The following ANKRD17 variants were observed in gnomAD, a reference collection of about 807,000 sequenced individuals.
ANKRD17 encodes ankyrin repeat domain 17.
A neutral mutation model predicts 229.7 loss-of-function variants in ANKRD17; 19 were observed. The ratio of observed to expected loss-of-function variants is 0.08; its 90% confidence interval spans 0.06 to 0.12. The LOEUF is 0.12. ANKRD17 is among the 10% of genes least tolerant of loss of function. The pLI, the probability that ANKRD17 is intolerant of heterozygous loss-of-function variation, is 1.00. For synonymous variants in ANKRD17, 1,112 were observed against 1,146.1 expected, an observed-to-expected ratio of 0.97 and a Z score of 0.60; for missense variants, 2,176 against 3,176.8, an observed-to-expected ratio of 0.68 and a Z score of 7.57.
At chr4:73,245,662 T>A (rs890086699) in intron 1 of ANKRD17, among the ~76,000 whole-genome samples, 10 of 152,160 alleles carry the variant, frequency 6.6e-5, no homozygotes, top group Admixed American at 5.2e-4. Context: ...AACAATCATA[T>A]ATAAATCTAC....
At chr4:73,206,494 T>C (rs531781181) in intron 1 of ANKRD17, among the ~76,000 whole-genome samples, 5 of 149,426 alleles carry the variant, frequency 3.3e-5, no homozygotes, top group Admixed American at 6.6e-5. Context: ...GAGGGAAAGA[T>C]AGAAAGAAAT....
At chr4:73,095,036 T>C (rs2110185333) in intron 27 of ANKRD17, among the ~76,000 whole-genome samples, 1 of 151,748 alleles carries the variant, frequency 6.6e-6, no homozygotes, top group East Asian at 2.0e-4. Context: ...TAGCCAGGCA[T>C]GGTGGTGTGC....
chr4:73,097,200 A>G lies in ANKRD17; in HGVS notation c.5094T>C (p.Leu1698=). The G allele has an allele frequency of 1.2e-6, 2 of 1,612,866 alleles. No homozygotes were observed. Among genetic ancestry groups the G allele is most frequent in the South Asian group, 1.1e-5 (1 of 90,774 alleles). The part of the protein sequence containing the change: ...STCTKSGPSP[L]SSPNGKLTVA... ...CTGTTAACTTCCCATTTGGAGAAGAAAGGGGAGATGGACCAGATTTTGTAC... is the reference window on the plus strand; with the variant it reads ...CTGTTAACTTCCCATTTGGAGAAGAGAGGGGAGATGGACCAGATTTTGTAC... Residue 1698 remains leucine, a synonymous_variant, in exon 27 of 34, where the codon CTT becomes CTC. Transcript: ENST00000358602.
intron 25 of ANKRD17, among the ~76,000 whole-genome samples, chr4:73,099,310 A>C (rs1415768341): frequency 1.3e-5 from 2 of 151,440 alleles, no homozygotes; most frequent in Non-Finnish European, 2.9e-5. Context: ...CACACTACAC[A>C]GCACACCAGC....
rs1166266933 is a variant in ANKRD17 at position 73,085,296 on chromosome 4, T to C, written c.7112A>G (p.His2371Arg). ...AGTCAACAAACTAAGCGGGGAAAAA[T>C]GTTGTCTGTTAAAGTTAGCAGCTGC... The part of the protein sequence containing the change: ...APAAANFNRQ[H>R]FSPLSLLTPC... The change falls in exon 30 of 34, where the codon CAT becomes CGT. Residue 2371 changes from histidine (H) to arginine (R), a missense_variant. Coordinates refer to ENST00000358602, the MANE Select transcript of ANKRD17 (RefSeq NM_032217.5). The C allele has an allele frequency of 6.2e-7, 1 of 1,613,832 alleles. No individual in the cohort carries two copies. The highest frequency in any genetic ancestry group is 2.2e-5 in the East Asian group (1 of 44,852).
At chr4:73,081,682 G>T (rs1428311639) in intron 30 of ANKRD17, among the ~76,000 whole-genome samples, 1 of 152,032 alleles carries the variant, frequency 6.6e-6, no homozygotes, top group Non-Finnish European at 1.5e-5. Context: ...TTTTTTAGAA[G>T]AATGAAAAAT....
chr4:73,174,093 AGAAGGAAGGAAGGAAG>A lies in ANKRD17; in HGVS notation c.547+3271_547+3286del, dbSNP rs71217453. Among the ~76,000 whole-genome samples the A allele has an allele frequency of 4.6e-4, 51 of 111,306 alleles. 1 individual carries two copies. The highest frequency in any genetic ancestry group is 2.3e-3 in the South Asian group (6 of 2,654). The allele number at this position is 111,306 out of a possible 152,430, so 73.0% of individuals were successfully genotyped here. ...GAAGGAAGGCGAGGGAAGGGAGGGGAGAAGGAAGGAAGGAAGGAAGGAAGGAAGGAAGGAAGGAAGG... is the reference window on the plus strand; with the variant it reads ...GAAGGAAGGCGAGGGAAGGGAGGGGAGAAGGAAGGAAGGAAGGAAGGAAGG... On this transcript the variant is annotated intron_variant, in intron 2 of 33. Transcript: ENST00000358602.
intron 30 of ANKRD17, among the ~76,000 whole-genome samples, chr4:73,082,777 G>A (rs1721706624): frequency 6.6e-6 from 1 of 152,130 alleles, no homozygotes; most frequent in Non-Finnish European, 1.5e-5. Flanking sequence ...GATTATTTGA[G>A]ACTAAAGAGA....
rs1277668219 is a variant in ANKRD17, at chr4:73,097,434, CT to C, written c.5022-163del. 6.5e-3 allele frequency among the ~76,000 whole-genome samples: 858 copies of C among 131,902 alleles called. 3 individuals carry two copies. Among genetic ancestry groups the C allele is most frequent in the African/African-American group, 8.4e-3 (259 of 31,000 alleles). The allele number at this position is 131,902 out of a possible 152,430, so 86.5% of individuals were successfully genotyped here. A position where few individuals can be genotyped will look rare whatever the true frequency, so the allele number is the denominator to read the frequency against. On this transcript the variant is annotated intron_variant, in intron 26 of 33. Transcript: ENST00000358602. ...ATATTTAGCATATAATATAGAGAGC[CT>C]TTTTTTTTTTTTCTTTTTGAGACAG...
intron 7 of ANKRD17, among the ~76,000 whole-genome samples, chr4:73,151,168 G>A (rs1046382604): frequency 1.3e-5 from 2 of 152,102 alleles, no homozygotes. Context: ...AAGCCACCAT[G>A]CCTGGCCATA....
chr4:73,161,234 C>T lies in ANKRD17; in HGVS notation c.662G>A (p.Arg221His), dbSNP rs1179059831. ...ATTTGCTGTGCTTTCAGCTCTCATACGGGTAAGTGCAGCAGCAGCTTCATC... is the reference window on the plus strand; with the variant it reads ...ATTTGCTGTGCTTTCAGCTCTCATATGGGTAAGTGCAGCAGCAGCTTCATC... ...ALDEAAAALT[R>H]MRAESTANAG... is the part of the protein sequence containing the mutation. Residue 221 changes from arginine to histidine, a missense_variant, in exon 3 of 34, where the codon CGT becomes CAT. This residue lies in a region of ANKRD17 where 184 missense variants were observed against 357.8 expected (regional missense o/e 0.51). Transcript: ENST00000358602. 1.2e-6 allele frequency: 2 copies of T among 1,614,170 alleles called. No homozygotes were observed. Among genetic ancestry groups the T allele is most frequent in the East Asian group, 2.2e-5 (1 of 44,890 alleles).
chr4:73,168,269 T>C (rs920033900), intron 2 of ANKRD17, among the ~76,000 whole-genome samples: 2 of 152,192 alleles, frequency 1.3e-5, no homozygotes, highest in Non-Finnish European at 2.9e-5. Flanking sequence ...GCATTGCATG[T>C]ATAATAGGTA....
At chr4:73,147,186 AT>A (rs1730398865) in intron 9 of ANKRD17, 54 bp downstream of exon 9, 1 of 1,448,010 alleles carries the variant, frequency 6.9e-7, no homozygotes, top group South Asian at 1.5e-5. Flanking sequence ...GCATTATGAC[AT>A]TTTTACTTAA....
intron 3 of ANKRD17, among the ~76,000 whole-genome samples, chr4:73,160,590 A>C (rs1485270337): frequency 6.6e-6 from 1 of 152,196 alleles, no homozygotes; most frequent in Non-Finnish European, 1.5e-5. Context: ...TAACATCATC[A>C]GAACAGCTTA....
intron 1 of ANKRD17, chr4:73,222,829 CG>C (rs1189955706): frequency 1.6e-6 from 1 of 630,486 alleles, no homozygotes; most frequent in African/African-American, 1.9e-5. Context: ...CATTCTCACA[CG>C]GAATAGGTCT....
intron 24 of ANKRD17, among the ~76,000 whole-genome samples, chr4:73,107,382 C>T (rs1248560295): frequency 5.9e-5 from 9 of 152,170 alleles, no homozygotes; most frequent in Non-Finnish European, 2.9e-5. Context: ...GTGCTATGCA[C>T]GGTTCTAGTT....
At chr4:73,172,680 C>T (rs1003789819) in intron 2 of ANKRD17, among the ~76,000 whole-genome samples, 4 of 151,706 alleles carry the variant, frequency 2.6e-5, no homozygotes, top group Admixed American at 1.3e-4. Flanking sequence ...CTTAAGGTGT[C>T]GAGTCATTGG....
intron 24 of ANKRD17, among the ~76,000 whole-genome samples, chr4:73,103,184 A>C (rs1724212851): frequency 6.6e-6 from 1 of 152,006 alleles, no homozygotes; most frequent in East Asian, 1.9e-4. Flanking sequence ...TACTTGGGAA[A>C]ATGCTCCCAG....
At chr4:73,197,496 A>G (rs1738047073) in intron 1 of ANKRD17, among the ~76,000 whole-genome samples, 1 of 152,206 alleles carries the variant, frequency 6.6e-6, no homozygotes, top group Non-Finnish European at 1.5e-5. Context: ...GACATATTAA[A>G]TTCCAAGTCT....
Sources: allele counts gnomAD v4.1 joint callset (sites outside exome capture counted in the v4.1 genomes callset), GRCh38; gene constraint gnomAD v4.1.1; regional missense constraint gnomAD v4.1.1; transcripts MANE v1.5; gene names NCBI Gene and HGNC (gene_info 2026-07-23, HGNC 2026-07-21).